ROBO2: variants seen among roughly 807,000 people sequenced by gnomAD.
ROBO2 encodes roundabout guidance receptor 2, also known as roundabout homolog 2.
In ROBO2, 53 loss-of-function variants were observed where a neutral mutation model predicts 160.8. The observed-to-expected ratio is 0.33, with a 90% confidence interval of 0.26 to 0.41. The LOEUF is 0.41. ROBO2 is among the 10% of genes least tolerant of loss of function. The pLI is 1.00. For missense variants in ROBO2, 1,577 were observed against 1,722.4 expected, an observed-to-expected ratio of 0.92 and a Z score of 1.49; for synonymous variants, 664 against 611.7, an observed-to-expected ratio of 1.09 and a Z score of -1.26.
At chr3:76,557,534 G>T (rs369079441) in intron 2 of ROBO2, among the ~76,000 whole-genome samples, 2 of 149,916 alleles carry the variant, frequency 1.3e-5, no homozygotes, top group Non-Finnish European at 3.0e-5. Flanking sequence ...TTGTGCCTCA[G>T]TTGGTTTAGT....
At chr3:75,928,433 C>G (rs1947381020) in intron 1 of ROBO2, among the ~76,000 whole-genome samples, 1 of 152,224 alleles carries the variant, frequency 6.6e-6, no homozygotes. Context: ...AAGTACTTCA[C>G]CTTCACAAAA....
intron 1 of ROBO2, among the ~76,000 whole-genome samples, chr3:77,089,397 T>C (rs9878422): frequency 0.24 from 36,871 of 152,048 alleles, 4,948 homozygotes; most frequent in East Asian, 0.55. Context: ...TGTTGCAGGG[T>C]GCTATTTTGT....
chr3:76,387,203 G>A (rs958891453), intron 2 of ROBO2, among the ~76,000 whole-genome samples: 1 of 152,070 alleles, frequency 6.6e-6, no homozygotes, highest in Non-Finnish European at 1.5e-5. Flanking sequence ...CCATCCATGG[G>A]GGCGGAGGCT....
intron 4 of ROBO2, among the ~76,000 whole-genome samples, chr3:77,482,200 TG>T (rs1393828162): frequency 1.3e-5 from 2 of 152,206 alleles, no homozygotes; most frequent in Non-Finnish European, 1.5e-5. Context: ...AATATCATTG[TG>T]ATTTTCAAAT....
At chr3:77,276,103 T>G (rs532162873) in intron 2 of ROBO2, among the ~76,000 whole-genome samples, 169 of 152,226 alleles carry the variant, frequency 1.1e-3, no homozygotes, top group Non-Finnish European at 2.2e-3. Context: ...GTAACCACCT[T>G]ATAGAAAAGT....
chr3:76,572,722 A>T (rs1235970785), intron 2 of ROBO2, among the ~76,000 whole-genome samples: 1 of 152,182 alleles, frequency 6.6e-6, no homozygotes, highest in African/African-American at 2.4e-5. Context: ...CTTTATTCTG[A>T]GTCACAGATT....
At chr3:76,830,338 T>G (rs2066971118) in intron 2 of ROBO2, among the ~76,000 whole-genome samples, 1 of 152,196 alleles carries the variant, frequency 6.6e-6, no homozygotes, top group African/African-American at 2.4e-5. Flanking sequence ...ACCTCTGTTC[T>G]CTGGATTCCA....
chr3:77,137,058 G>A (rs763141365), intron 2 of ROBO2, among the ~76,000 whole-genome samples: 55 of 151,818 alleles, frequency 3.6e-4, no homozygotes, highest in Non-Finnish European at 6.2e-4. Context: ...TGCTGGGATT[G>A]CGGGTGTGAG....
At chr3:76,402,457 G>A (rs1026515797) in intron 2 of ROBO2, among the ~76,000 whole-genome samples, 1 of 151,626 alleles carries the variant, frequency 6.6e-6, no homozygotes, top group South Asian at 2.1e-4. Flanking sequence ...TTTATAACTA[G>A]TGTAGTAGAT....
intron 2 of ROBO2, among the ~76,000 whole-genome samples, chr3:77,146,022 G>A (rs1001423808): frequency 4.6e-5 from 7 of 152,126 alleles, no homozygotes; most frequent in Admixed American, 1.3e-4. Context: ...CCTGCTAAAT[G>A]TTACAGGGTA....
intron 2 of ROBO2, among the ~76,000 whole-genome samples, chr3:76,634,220 T>C (rs921112567): frequency 6.6e-6 from 1 of 152,204 alleles, no homozygotes; most frequent in African/African-American, 2.4e-5. Context: ...ATGGTCTTCC[T>C]TCTGTGCTCC....
chr3:76,498,590 A>C (rs1251687167), intron 2 of ROBO2, among the ~76,000 whole-genome samples: 1 of 151,826 alleles, frequency 6.6e-6, no homozygotes, highest in East Asian at 1.9e-4. Context: ...CAATTTAAAA[A>C]TTTATTAATT....
intron 2 of ROBO2, among the ~76,000 whole-genome samples, chr3:76,299,692 C>G (rs913847885): frequency 1.3e-5 from 2 of 151,996 alleles, no homozygotes; most frequent in South Asian, 2.1e-4. Flanking sequence ...TTGACTGTTG[C>G]AATAAAAGGT....
chr3:76,918,240 T>A lies in ROBO2; in HGVS notation c.110-179774T>A, dbSNP rs547535495. Among the ~76,000 whole-genome samples, 11 of 152,334 alleles carry A rather than the reference T, an allele frequency of 7.2e-5. No individual in the cohort carries two copies. The East Asian group carries it at 2.1e-3, about 29-fold the overall frequency. On this transcript the variant is annotated intron_variant, in intron 2 of 26. Transcript: ENST00000487694. ...TGGATCACGGAGGTGGTTTCCCCCA[T>A]GCTGTTCTCACGATAGTGAGTGAGT...
chr3:77,149,780 C>G (rs1028249622), intron 2 of ROBO2, among the ~76,000 whole-genome samples: 23 of 146,712 alleles, frequency 1.6e-4, no homozygotes, highest in Non-Finnish European at 6.0e-5. Context: ...GGTGATTAGG[C>G]CTTATTCCTA....
chr3:76,194,350 G>GTGTGTATATA (rs759087780), intron 2 of ROBO2, among the ~76,000 whole-genome samples: 10 of 42,046 alleles, frequency 2.4e-4, no homozygotes, highest in African/African-American at 5.3e-4. Flanking sequence ...TGTATGGTGT[G>GTGTGTATATA]TAAATATATA....
In ROBO2 at chr3:75,999,969, T is replaced by C. The variant is rs116184725; in HGVS notation, c.109+62367T>C. Among the ~76,000 whole-genome samples the C allele has an allele frequency of 5.7e-3, 867 of 152,312 alleles. 10 individuals are homozygous for C. Among genetic ancestry groups the C allele is most frequent in the African/African-American group, 0.02 (837 of 41,590 alleles). On this transcript the variant is annotated intron_variant, in intron 2 of 26. Coordinates refer to the ROBO2 transcript ENST00000487694. ...TCTTAAATGGACATTGTCAATTCTT[T>C]AATAAAAGAAATATTTATAAGCAAA...
intron 2 of ROBO2, among the ~76,000 whole-genome samples, chr3:76,955,346 C>A (rs1299668545): frequency 6.6e-6 from 1 of 152,038 alleles, no homozygotes; most frequent in East Asian, 1.9e-4. Context: ...TGCTTGAGCC[C>A]CTCTTTTCAG....
rs555249301 is a variant in ROBO2, at chr3:76,724,335, C to A, written c.110-373679C>A. ...TCTCATATTTTCAATCAAATATGTT[C>A]AACAAACCACAATCTTATGTTAATC... On this transcript the variant is annotated intron_variant, in intron 2 of 26. Coordinates refer to the ROBO2 transcript ENST00000487694. Among the ~76,000 whole-genome samples, 5 of 152,214 alleles carry A rather than the reference C, an allele frequency of 3.3e-5. No individual in the cohort carries two copies. In the South Asian group the frequency reaches 8.3e-4, roughly 25 times the overall value.
Sources: allele counts gnomAD v4.1 joint callset (sites outside exome capture counted in the v4.1 genomes callset), GRCh38; gene constraint gnomAD v4.1.1; transcripts MANE v1.5; gene names NCBI Gene and HGNC (gene_info 2026-07-23, HGNC 2026-07-21).